The following ARHGAP45 variants were observed in gnomAD, a reference collection of about 807,000 sequenced individuals.
ARHGAP45 encodes rho GTPase-activating protein 45.
ARHGAP45 carries 56 observed loss-of-function variants against 116.1 expected under a neutral mutation model. The ratio of observed to expected loss-of-function variants is 0.48; its 90% CI spans 0.39 to 0.60. ARHGAP45 has a LOEUF of 0.60. Ranked by LOEUF, ARHGAP45 falls within the 20% of genes least tolerant of loss-of-function variation. The pLI, the probability that ARHGAP45 is intolerant of heterozygous loss-of-function variation, is 0.00. For missense variants in ARHGAP45, 1,622 were observed against 1,601.0 expected (o/e 1.01, Z -0.22); for synonymous variants, 866 against 701.7 (o/e 1.23, Z -3.70).
chr19:1,066,195 A>C, upstream of ARHGAP45: 1 of 1,269,836 alleles, frequency 7.9e-7, no homozygotes, highest in South Asian at 1.3e-5. Context: ...GAAAGGAAAG[A>C]GGTTGGGGTT....
upstream of ARHGAP45, chr19:1,067,027 C>T (rs2043044841): frequency 3.6e-6 from 1 of 277,368 alleles, no homozygotes; most frequent in Non-Finnish European, 5.6e-6. Flanking sequence ...GCCCTGCAGT[C>T]GGCCGCCCCG....
chr19:1,083,564 C>T (rs1453776896), intron 21 of ARHGAP45, among the ~76,000 whole-genome samples: 2 of 152,186 alleles, frequency 1.3e-5, no homozygotes, highest in Non-Finnish European at 2.9e-5. Context: ...TGCAAAGGCT[C>T]TGCGGCCGCC....
rs200688410 is a variant in ARHGAP45 at position 1,081,810 on chromosome 19, C to T, written c.2380-14C>T. 1.6e-3 allele frequency: 2,510 copies of T among 1,598,318 alleles called. 27 individuals carry two copies. In the African/African-American group the frequency reaches 0.03, roughly 19 times the overall value. On this transcript the variant is annotated splice_polypyrimidine_tract_variant and intron_variant, in intron 18 of 22. Coordinates refer to ENST00000313093, the MANE Select transcript of ARHGAP45 (RefSeq NM_012292.5). Reference sequence around the variant, plus strand: ...CCGAGGCTGATGGGCCTCCCCACCCCCGGGCTCCCGCAGGGCATCTACCGG... The same window carrying T: ...CCGAGGCTGATGGGCCTCCCCACCCTCGGGCTCCCGCAGGGCATCTACCGG...
At position 1,076,971 on chromosome 19, in the gene ARHGAP45, C is replaced by G. The variant is rs192450286; in HGVS notation, c.1186-886C>G. 3.5e-3 allele frequency: 3,331 copies of G among 947,962 alleles called. 4 individuals are homozygous for G. Among genetic ancestry groups the G allele is most frequent in the Non-Finnish European group, 3.9e-3 (3,141 of 795,938 alleles). 58.7% of individuals were successfully genotyped at this position (947,962 alleles called of 1,614,324 possible). On this transcript the variant is annotated intron_variant, in intron 10 of 22. Transcript: ENST00000313093. ...CTCAAACTCCTGGCCTCAAGTGATCCTCCTGCCTCGGCCTCCCAAAGCACT... is the reference window on the plus strand; with the variant it reads ...CTCAAACTCCTGGCCTCAAGTGATCGTCCTGCCTCGGCCTCCCAAAGCACT...
In ARHGAP45 at chr19:1,081,721, C is replaced by CG. The variant is rs2043442718; in HGVS notation, c.2365dup (p.Ala789GlyfsTer113). 6.4e-7 allele frequency: 1 copy of CG among 1,570,330 alleles called. No homozygotes were observed. The highest frequency in any genetic ancestry group is 1.8e-5 in the Admixed American group (1 of 55,676). On this transcript the variant is annotated frameshift_variant, in exon 18 of 23. Transcript: ENST00000313093. LOFTEE classifies it high-confidence loss of function. ...GAAGTGCGTCTGCGAGATCGAGCGG[C>CG]GGGCGCTGCGCACCAAGGTGAGGCG...
rs879253462 is a variant in ARHGAP45, at chr19:1,086,111, C to T, written c.*105C>T. The stretch of plus-strand genomic sequence containing the variant: ...TAGCTTAGGTGCGCCGTCCTGGGGT[C>T]GCTGCCGAGAGCGCCTGGACTTCGA... On this transcript the variant is annotated 3_prime_UTR_variant, in exon 23 of 23. Coordinates refer to ENST00000313093, the MANE Select transcript of ARHGAP45 (RefSeq NM_012292.5). 2.2e-5 allele frequency: 24 copies of T among 1,094,342 alleles called. No individual in the cohort carries two copies. The highest frequency in any genetic ancestry group is 4.9e-5 in the East Asian group (2 of 40,624). 67.8% of individuals were successfully genotyped at this position (1,094,342 alleles called of 1,614,324 possible). A position where few individuals can be genotyped will look rare whatever the true frequency, so the allele number is the denominator to read the frequency against.
At chr19:1,067,000 C>T (rs1184051809), upstream of ARHGAP45, among the ~76,000 whole-genome samples, 2 of 152,142 alleles carry the variant, frequency 1.3e-5, no homozygotes, top group African/African-American at 2.4e-5. Context: ...CACTCGCGTC[C>T]GGGAGTGAGA....
Position 1,071,177 on chromosome 19 carries a change from C to CGCGGGG in ARHGAP45, c.422-1965_422-1960dup. 3 of 1,341,660 alleles carry CGCGGGG rather than the reference C, an allele frequency of 2.2e-6. No individual in the cohort carries two copies. The highest frequency in any genetic ancestry group is 2.9e-6 in the Non-Finnish European group (3 of 1,048,364). The allele number at this position is 1,341,660 out of a possible 1,614,324, so 83.1% of individuals were successfully genotyped here. A position where few individuals can be genotyped will look rare whatever the true frequency, so the allele number is the denominator to read the frequency against. ...CGGGACCCCAGGGCGGGGTTTCCCT[C>CGCGGGG]GCGGGGGCGGGGCCTCCTGACCGGC... On this transcript the variant is annotated intron_variant, in intron 2 of 22. Transcript: ENST00000313093. This position sits in a 1 kb window ranked among gnomAD's most constrained non-coding sequence, Gnocchi z 4.6.
At chr19:1,076,336 A>T (rs80203264) in intron 10 of ARHGAP45, among the ~76,000 whole-genome samples, 1 of 152,252 alleles carries the variant, frequency 6.6e-6, no homozygotes, top group East Asian at 1.9e-4. Flanking sequence ...TTGATTTGTC[A>T]GAGCTTTTTA....
Position 1,085,958 on chromosome 19 carries a change from G to A in ARHGAP45, c.3363G>A (p.Gly1121=), listed in dbSNP as rs1458023859. ...TGCCCCCCATGAGGCTCCGTGGCGG[G>A]CGGATGACACTGGGCTCCTGCAGGG... ...APLPPMRLRG[G]RMTLGSCRER... The change falls in exon 23 of 23, where the codon GGG becomes GGA. Residue 1121 remains glycine, a synonymous_variant. Transcript: ENST00000313093. 6.2e-7 allele frequency: 1 copy of A among 1,612,942 alleles called. No homozygotes were observed. The highest frequency in any genetic ancestry group is 8.5e-7 in the Non-Finnish European group (1 of 1,179,950).
At position 1,078,390 on chromosome 19, in the gene ARHGAP45, A is replaced by G. The variant is rs545424271; in HGVS notation, c.1374+345A>G. On this transcript the variant is annotated intron_variant, in intron 11 of 22. Transcript: ENST00000313093. The stretch of plus-strand genomic sequence containing the variant: ...GATCTCCTGACCTCGTGATCCGTCC[A>G]CCTCGGCCTCCCAAAGTGCTGGGAT... Among the ~76,000 whole-genome samples, 4 of 151,002 alleles carry G rather than the reference A, an allele frequency of 2.6e-5. No individual in the cohort carries two copies. In the East Asian group the frequency reaches 7.9e-4, roughly 30 times the overall value.
Position 1,071,613 on chromosome 19 carries a change from G to A in ARHGAP45, c.422-1536G>A, listed in dbSNP as rs991570657. On this transcript the variant is annotated intron_variant, in intron 2 of 22. Coordinates refer to ENST00000313093, the MANE Select transcript of ARHGAP45 (RefSeq NM_012292.5). The surrounding 1 kb of genome is among the most constrained non-coding windows in gnomAD (Gnocchi z 4.6). ...GTGCCCGGCTGGAAGGTCCCGAGAA[G>A]GGGCGTGGCCGGGGCCTCCCAGCGG... The A allele has an allele frequency of 1.5e-4, 23 of 158,302 alleles. No individual in the cohort carries two copies. Among genetic ancestry groups the A allele is most frequent in the Non-Finnish European group, 2.3e-4 (17 of 73,366 alleles). 9.8% of individuals were successfully genotyped at this position (158,302 alleles called of 1,614,324 possible).
rs143100075 is a variant in ARHGAP45 at position 1,068,659 on chromosome 19, C to T, written c.336C>T (p.Val112=). 312 of 1,612,506 alleles carry T rather than the reference C, an allele frequency of 1.9e-4. No individual in the cohort carries two copies. Among genetic ancestry groups the T allele is most frequent in the Non-Finnish European group, 2.4e-4 (285 of 1,180,002 alleles). The change falls in exon 2 of 23, where the codon GTC becomes GTT. Residue 112 remains valine (V), a synonymous_variant. Coordinates refer to ENST00000313093, the MANE Select transcript of ARHGAP45 (RefSeq NM_012292.5). This position sits in a 1 kb window ranked among gnomAD's most constrained non-coding sequence, Gnocchi z 7.5. ...CCACCGAGGGTGCCGGCCCGGACGT[C>T]GTCGAGGACATCTCCCATCTGCTGG... The part of the protein sequence containing the change: ...ELPTEGAGPD[V]VEDISHLLAD...
In ARHGAP45 at chr19:1,080,082, A is replaced by G. The variant is rs778495362; in HGVS notation, c.1667A>G (p.His556Arg). ...QLQRDQEPDVHYDFEPHVSAN... is the reference protein window; with the variant it reads ...QLQRDQEPDVRYDFEPHVSAN... Reference sequence around the variant, plus strand: ...CAGCGGGACCAGGAGCCCGATGTGCACTACGACTTTGAGCCCCACGTCTCC... The same window carrying G: ...CAGCGGGACCAGGAGCCCGATGTGCGCTACGACTTTGAGCCCCACGTCTCC... The change falls in exon 13 of 23, where the codon CAC becomes CGC. Residue 556 changes from histidine (H) to arginine (R), a missense_variant. His to Arg is a conservative substitution (Grantham distance 29, BLOSUM62 0). Around this residue, in one of 3 missense-constraint regions of ARHGAP45, gnomAD observed 1,334 missense variants for 1,263.8 expected, o/e 1.06. Transcript: ENST00000313093. 3 of 1,612,546 alleles carry G rather than the reference A, an allele frequency of 1.9e-6. No homozygotes were observed. Among genetic ancestry groups the G allele is most frequent in the Non-Finnish European group, 1.7e-6 (2 of 1,179,896 alleles).
At position 1,086,024 on chromosome 19, in the gene ARHGAP45, A is replaced by AC. The variant is rs764608208; in HGVS notation, c.*20dup. On this transcript the variant is annotated 3_prime_UTR_variant, in exon 23 of 23. Transcript: ENST00000313093. ...TCGTGTGAGCTGGGGTGGGGCTGGG[A>AC]CCACAGGTGGCTTCTCTCTTGCCTG... 1 of 1,598,170 alleles carries AC rather than the reference A, an allele frequency of 6.3e-7. No homozygotes were observed. Among genetic ancestry groups the AC allele is most frequent in the South Asian group, 1.1e-5 (1 of 89,818 alleles).
chr19:1,075,133 G>A (rs2043220688), intron 10 of ARHGAP45, among the ~76,000 whole-genome samples: 1 of 152,020 alleles, frequency 6.6e-6, no homozygotes, highest in South Asian at 2.1e-4. Flanking sequence ...CTGCAGAAAT[G>A]GGGAGAAGCC....
At chr19:1,081,161 G>C (rs1599768560) in intron 17 of ARHGAP45, 97 bp downstream of exon 17, 3 of 1,347,082 alleles carry the variant, frequency 2.2e-6, no homozygotes, top group Non-Finnish European at 2.0e-6. Flanking sequence ...GTCCGGCCCA[G>C]AGCAGGGAGC....
At position 1,074,466 on chromosome 19, in the gene ARHGAP45, C is replaced by G. The variant is rs376489330; in HGVS notation, c.993+59C>G. ...TGGGCCCGGGTGTGAGTCTCAGCCC[C>G]ATTTCAAGGGCCCAGGGACCAAGAG... On this transcript the variant is annotated intron_variant, in intron 8 of 22. Coordinates refer to ENST00000313093, the MANE Select transcript of ARHGAP45 (RefSeq NM_012292.5). The G allele has an allele frequency of 6.2e-6, 9 of 1,444,844 alleles. No individual in the cohort carries two copies. The African/African-American group carries it at 1.1e-4, about 18-fold the overall frequency. 89.5% of individuals were successfully genotyped at this position (1,444,844 alleles called of 1,614,324 possible).
At chr19:1,082,746 T>C in intron 19 of ARHGAP45, 94 bp from the exon 20 acceptor site, 1 of 1,107,574 alleles carries the variant, frequency 9.0e-7, no homozygotes, top group East Asian at 2.7e-5. Flanking sequence ...TGGCCAGTGC[T>C]CTGTGGGGGT....
Sources: allele counts gnomAD v4.1 joint callset (sites outside exome capture counted in the v4.1 genomes callset), GRCh38; gene constraint gnomAD v4.1.1; regional missense constraint gnomAD v4.1.1; non-coding constraint Gnocchi (gnomAD v3.1); transcripts MANE v1.5; gene names NCBI Gene and HGNC (gene_info 2026-07-23, HGNC 2026-07-21).